The following DIABLO variants were observed in gnomAD, a reference collection of about 807,000 sequenced individuals.
DIABLO encodes diablo homolog, mitochondrial.
A neutral mutation model predicts 31.7 loss-of-function variants in DIABLO; 32 were observed. That is an observed-to-expected ratio of 1.01 (90% CI 0.76 to 1.35). The LOEUF (loss-of-function observed/expected upper bound fraction) is 1.35, where lower values mean the gene tolerates loss of function less well. Ranked by LOEUF, DIABLO falls within the 40% of genes most tolerant of loss-of-function variation. DIABLO has a pLI of 0.00. For missense variants in DIABLO, 316 were observed against 286.4 expected, an observed-to-expected ratio of 1.10 and a Z score of -0.75; for synonymous variants, 132 against 103.2, an observed-to-expected ratio of 1.28 and a Z score of -1.69.
At chr12:122,226,983 G>C (rs1180671857), upstream of DIABLO, among the ~76,000 whole-genome samples, 2 of 152,254 alleles carry the variant, frequency 1.3e-5, no homozygotes, top group African/African-American at 2.4e-5. Flanking sequence ...GAAGGGGAGA[G>C]AGACCCATTT....
intron 5 of DIABLO, among the ~76,000 whole-genome samples, chr12:122,214,685 G>GCT (rs1177841040): frequency 6.6e-6 from 1 of 152,032 alleles, no homozygotes; most frequent in African/African-American, 2.4e-5. Context: ...CCAAAGACAC[G>GCT]CGTTGAGTCC....
chr12:122,216,617 A>G (rs754040723), intron 4 of DIABLO, 33 bp from the exon 5 acceptor site: 5 of 1,602,564 alleles, frequency 3.1e-6, no homozygotes, highest in South Asian at 2.2e-5. Flanking sequence ...TTCAGACAGC[A>G]TAAGAGGTCT....
Position 122,209,591 on chromosome 12 carries a change from G to A in DIABLO, c.524-1014C>T, listed in dbSNP as rs140483502. On this transcript the variant is annotated intron_variant, in intron 5 of 5. Transcript: ENST00000464942. Reference sequence around the variant, plus strand: ...GAAGCAGGAGAATTGCTTGAACCTGGGAGGCGGAGGTTGCAGTGAGCTGAG... The same window carrying A: ...GAAGCAGGAGAATTGCTTGAACCTGAGAGGCGGAGGTTGCAGTGAGCTGAG... The A allele has an allele frequency of 2.6e-3, 1,476 of 578,628 alleles. 35 individuals are homozygous for A. In the East Asian group the frequency reaches 0.038, roughly 15 times the overall value. The allele number at this position is 578,628 out of a possible 1,614,324, so 35.8% of individuals were successfully genotyped here.
chr12:122,217,222 A>G, intron 3 of DIABLO: 1 of 303,222 alleles, frequency 3.3e-6, no homozygotes, highest in Middle Eastern at 1.2e-3. Flanking sequence ...ACGCTAAAAA[A>G]TTTTTATTGG....
At position 122,213,004 on chromosome 12, in the gene DIABLO, T is replaced by G. The variant is rs1954121787; in HGVS notation, c.523+3484A>C. 2.0e-5 allele frequency among the ~76,000 whole-genome samples: 3 copies of G among 151,930 alleles called. No individual in the cohort carries two copies. The South Asian group carries it at 6.2e-4, about 32-fold the overall frequency. The stretch of plus-strand genomic sequence containing the variant: ...GGCCTGATCATGGCTCACTGCAGCC[T>G]CGACCTCCAGGGCCCAAGTGATCCT... On this transcript the variant is annotated intron_variant, in intron 5 of 5. Transcript: ENST00000464942.
intron 5 of DIABLO, among the ~76,000 whole-genome samples, chr12:122,210,570 G>A (rs536033237): frequency 5.9e-4 from 89 of 150,878 alleles, no homozygotes; most frequent in African/African-American, 1.5e-3. Context: ...TAGTAGAGAC[G>A]GGGTTTCACC....
intron 2 of DIABLO, among the ~76,000 whole-genome samples, chr12:122,220,300 G>A (rs1954306246): frequency 1.3e-5 from 2 of 151,992 alleles, no homozygotes; most frequent in South Asian, 4.2e-4. Context: ...TAAGAGTTAA[G>A]GGACTGTGGC....
intron 5 of DIABLO, among the ~76,000 whole-genome samples, chr12:122,213,421 C>T (rs1366711316): frequency 6.6e-6 from 1 of 150,810 alleles, no homozygotes; most frequent in Non-Finnish European, 1.5e-5. Context: ...ATCGCTTGAG[C>T]CCAGAGGCTA....
At chr12:122,216,064 T>C (rs550768481) in intron 5 of DIABLO, among the ~76,000 whole-genome samples, 2 of 152,072 alleles carry the variant, frequency 1.3e-5, no homozygotes, top group African/African-American at 2.4e-5. Context: ...TTTGTCCTGG[T>C]TTTGCCACTG....
chr12:122,211,077 TAA>T (rs1156571584), intron 5 of DIABLO, among the ~76,000 whole-genome samples: 89 of 14,324 alleles, frequency 6.2e-3, no homozygotes, highest in African/African-American at 0.014. Context: ...TAGTTAAAAG[TAA>T]AAAAAAAAAA....
intron 5 of DIABLO, among the ~76,000 whole-genome samples, chr12:122,210,923 C>T (rs1954072538): frequency 6.6e-6 from 1 of 151,496 alleles, no homozygotes. Flanking sequence ...ACCTGTAATC[C>T]CAGCTACTGG....
chr12:122,216,596 A>G lies in DIABLO; in HGVS notation c.427-12T>C. ...TGTTTTGAAGTCATCTATATAAATC[A>G]AGCAAAGTGCTTCAGACAGCATAAG... is the stretch of plus-strand genomic sequence containing the variant. On this transcript the variant is annotated splice_polypyrimidine_tract_variant and intron_variant, in intron 4 of 5. Transcript: ENST00000464942. 2 of 1,613,402 alleles carry G rather than the reference A, an allele frequency of 1.2e-6. No individual in the cohort carries two copies. The highest frequency in any genetic ancestry group is 1.7e-6 in the Non-Finnish European group (2 of 1,179,306).
chr12:122,226,492 T>A, upstream of DIABLO: 1 of 698,768 alleles, frequency 1.4e-6, no homozygotes, highest in Non-Finnish European at 2.6e-6. Context: ...ATGAGCACCG[T>A]GTAGCTGAGG....
At chr12:122,227,165 C>G (rs967785992), upstream of DIABLO, among the ~76,000 whole-genome samples, 1 of 152,202 alleles carries the variant, frequency 6.6e-6, no homozygotes, top group African/African-American at 2.4e-5. Flanking sequence ...CGATCCTGGG[C>G]TCACCCCCGC....
intron 2 of DIABLO, chr12:122,221,964 AGGTGAG>A (rs1954343309): frequency 6.6e-6 from 1 of 152,256 alleles, no homozygotes; most frequent in Non-Finnish European, 1.5e-5. Context: ...AGGCACAGTA[AGGTGAG>A]GGCTCATGAA....
In DIABLO at chr12:122,208,450, A is replaced by ACGGAG. The variant is rs1953988807; in HGVS notation, c.646_650dup (p.Gln218SerfsTer51). The ACGGAG allele has an allele frequency of 1.9e-6, 3 of 1,613,896 alleles. No homozygotes were observed. Among genetic ancestry groups the ACGGAG allele is most frequent in the Non-Finnish European group, 2.5e-6 (3 of 1,179,998 alleles). ...CCTCCCCTTCCTCCTGTGTTTTCTG[A>ACGGAG]CGGAGCTCTTCTATCTGTGCTTCTG... is the stretch of plus-strand genomic sequence containing the variant. On this transcript the variant is annotated frameshift_variant, in exon 6 of 6. Transcript: ENST00000464942. LOFTEE classifies it high-confidence loss of function.
At chr12:122,224,453 C>A in intron 2 of DIABLO, 59 bp downstream of exon 2, 1 of 1,613,174 alleles carries the variant, frequency 6.2e-7, no homozygotes, top group South Asian at 1.1e-5. Flanking sequence ...CTTCACCGCC[C>A]ACTTGAGACT....
intron 5 of DIABLO, chr12:122,209,548 T>C (rs973780817): frequency 3.8e-6 from 2 of 519,586 alleles, no homozygotes; most frequent in Non-Finnish European, 6.9e-6. Context: ...ACCTGCAGTC[T>C]CAGCTACTTG....
At chr12:122,225,469 T>C (rs1000861715) in intron 1 of DIABLO, 9 of 1,012,618 alleles carry the variant, frequency 8.9e-6, no homozygotes, top group African/African-American at 1.7e-5. Flanking sequence ...AGGCAGAATT[T>C]AGCTCTGGAC....
Sources: gnomAD v4.1 joint callset for allele counts (sites outside exome capture counted in the v4.1 genomes callset) on GRCh38, gnomAD v4.1.1 for gene constraint, MANE v1.5 for transcripts, NCBI Gene and HGNC (gene_info 2026-07-23, HGNC 2026-07-21) for gene names.